Variants in STN1 observed in about 807,000 individuals in gnomAD.
STN1 encodes the protein CST complex subunit STN1.
STN1 carries 29 observed loss-of-function variants against 45.5 expected under a neutral mutation model. That is an observed-to-expected ratio of 0.64 (90% CI 0.47 to 0.87). The LOEUF (loss-of-function observed/expected upper bound fraction) is 0.87. Among genes scored for constraint, STN1 ranks in the 40% least tolerant of loss-of-function variants. STN1 has a pLI of 0.00. For synonymous variants in STN1, 148 were observed against 159.0 expected (o/e 0.93, Z 0.52); for missense variants, 376 against 441.4 (o/e 0.85, Z 1.33).
intron 4 of STN1, among the ~76,000 whole-genome samples, chr10:103,904,422 C>T (rs1843228170): frequency 6.6e-6 from 1 of 150,574 alleles, no homozygotes; most frequent in Non-Finnish European, 1.5e-5. Context: ...TTGAGACCAG[C>T]CCTGGAAACA....
Position 103,917,639 on chromosome 10 carries a change from C to T in STN1, c.-45G>A. 6.2e-7 allele frequency: 1 copy of T among 1,600,182 alleles called. No individual in the cohort carries two copies. The highest frequency in any genetic ancestry group is 8.5e-7 in the Non-Finnish European group (1 of 1,173,442). ...TTCCAGCTAACTCTGAAAGGTTCTG[C>T]ATCACTGAGTCAAGCATCTAGATGG... On this transcript the variant is annotated 5_prime_UTR_variant, in exon 2 of 10. An upstream start codon of the reference 5' UTR is lost. Coordinates refer to ENST00000224950, the MANE Select transcript of STN1 (RefSeq NM_024928.5).
Position 103,905,204 on chromosome 10 carries a change from G to A in STN1, c.230-48C>T, listed in dbSNP as rs944199383. The A allele has an allele frequency of 2.7e-6, 4 of 1,506,748 alleles. No homozygotes were observed. In the African/African-American group the frequency reaches 5.5e-5, roughly 21 times the overall value. 93.3% of individuals were successfully genotyped at this position (1,506,748 alleles called of 1,614,324 possible). On this transcript the variant is annotated intron_variant, in intron 3 of 9. Transcript: ENST00000224950. ...TATAAGAGAGATTTGGGCAAGGCTG[G>A]TGAATTAGCATGCTGTCATTGCATT...
intron 9 of STN1, among the ~76,000 whole-genome samples, chr10:103,883,611 T>C (rs768449439): frequency 1.3e-5 from 2 of 152,156 alleles, no homozygotes; most frequent in Non-Finnish European, 2.9e-5. Flanking sequence ...CCTCGGAAAC[T>C]GCTTGCTATT....
chr10:103,882,786 G>A lies in STN1; in HGVS notation c.1005C>T (p.Ile335=), dbSNP rs537766651. Residue 335 remains isoleucine, a synonymous_variant, in exon 10 of 10, where the codon ATC becomes ATT. Transcript: ENST00000224950. ...GCACAGCCTCGCTCAGGCCCGGGCGGATGCTCAGGCGAGCACAGGCCAAGA... is the reference window on the plus strand; with the variant it reads ...GCACAGCCTCGCTCAGGCCCGGGCGAATGCTCAGGCGAGCACAGGCCAAGA... ...LHILACARLS[I]RPGLSEAVLQ... is the part of the protein sequence containing the mutation. 3.2e-5 allele frequency: 51 copies of A among 1,614,166 alleles called. No homozygotes were observed. The South Asian group carries it at 5.4e-4, about 17-fold the overall frequency.
At chr10:103,893,576 C>A (rs1298030185) in intron 7 of STN1, among the ~76,000 whole-genome samples, 4 of 152,186 alleles carry the variant, frequency 2.6e-5, no homozygotes, top group Non-Finnish European at 5.9e-5. Context: ...CCAAGTCCTA[C>A]CTCTATTGAA....
chr10:103,884,517 A>T (rs10786773), intron 9 of STN1, among the ~76,000 whole-genome samples: 44,981 of 152,122 alleles, frequency 0.3, 7,891 homozygotes, highest in East Asian at 0.64. Context: ...CTTCTTTACC[A>T]AAAGCAAACC....
At chr10:103,907,772 C>A (rs1843251149) in intron 3 of STN1, among the ~76,000 whole-genome samples, 1 of 151,914 alleles carries the variant, frequency 6.6e-6, no homozygotes, top group South Asian at 2.1e-4. Context: ...ATGGCACTTC[C>A]AGGCACACCA....
chr10:103,917,513 T>C lies in STN1; in HGVS notation c.82A>G (p.Lys28Glu), dbSNP rs1318935234. The change falls in exon 2 of 10, where the codon AAA becomes GAA. Residue 28 changes from lysine to glutamate, a missense_variant. Lys to Glu is a moderately conservative substitution (Grantham distance 56, BLOSUM62 1). Transcript: ENST00000224950. ...GLDPVFLAFA[K>E]LYIRDILDMK... ...TCCAGGATATCCCTGATGTAGAGTT[T>C]TGCAAAGGCTAGAAACACAGGATCC... 26 of 1,613,972 alleles carry C rather than the reference T, an allele frequency of 1.6e-5. No homozygotes were observed. The highest frequency in any genetic ancestry group is 2.2e-5 in the East Asian group (1 of 44,874).
In STN1 at chr10:103,917,474, G is replaced by A; in HGVS notation, c.121C>T (p.Arg41Cys). The A allele has an allele frequency of 1.2e-6, 2 of 1,613,574 alleles. No homozygotes were observed. The highest frequency in any genetic ancestry group is 1.7e-6 in the Non-Finnish European group (2 of 1,179,780). Residue 41 changes from arginine (R) to cysteine (C), a missense_variant, in exon 2 of 10, where the codon CGC (arginine) becomes TGC (cysteine). Transcript: ENST00000224950. ...GCTAGCCACATACCTGGCACCTGGC[G>A]GGACTCCTTCATGTCCAGGATATCC... ...IRDILDMKES[R>C]QVPGVFLYNG... is the part of the protein sequence containing the mutation.
At position 103,879,704 on chromosome 10, in the gene STN1, GCTGCTGTGCT is replaced by G. The variant is rs1472539847; in HGVS notation, c.*2970_*2979del. The stretch of plus-strand genomic sequence containing the variant: ...TGGGAGCATTAACAGGGTGGCAACA[GCTGCTGTGCT>G]GTGAACAGCCCAAGAGGGGCCAGGG... On this transcript the variant is annotated 3_prime_UTR_variant, in exon 10 of 10. Transcript: ENST00000224950. 1 of 152,856 alleles carries G rather than the reference GCTGCTGTGCT, an allele frequency of 6.5e-6. No individual in the cohort carries two copies. Among genetic ancestry groups the G allele is most frequent in the Non-Finnish European group, 1.5e-5 (1 of 68,512 alleles). The allele number at this position is 152,856 out of a possible 1,614,324, so 9.5% of individuals were successfully genotyped here. A position where few individuals can be genotyped will look rare whatever the true frequency, so the allele number is the denominator to read the frequency against.
chr10:103,880,469 T>C lies in STN1; in HGVS notation c.*2215A>G, dbSNP rs1254375499. On this transcript the variant is annotated 3_prime_UTR_variant, in exon 10 of 10. Coordinates refer to ENST00000224950, the MANE Select transcript of STN1 (RefSeq NM_024928.5). ...TCTTTGCTTGAACGTGGGGTTTCAT[T>C]TGGGACCCTCCCCTCTCTGCCTAGG... Among the ~76,000 whole-genome samples the C allele has an allele frequency of 6.6e-6, 1 of 152,196 alleles. No individual in the cohort carries two copies. Among genetic ancestry groups the C allele is most frequent in the Non-Finnish European group, 1.5e-5 (1 of 68,028 alleles).
At chr10:103,912,198 C>T (rs1843296343) in intron 2 of STN1, among the ~76,000 whole-genome samples, 1 of 151,930 alleles carries the variant, frequency 6.6e-6, no homozygotes, top group African/African-American at 2.4e-5. Flanking sequence ...GTCTCAACTC[C>T]TGGTCTCAAG....
intron 9 of STN1, among the ~76,000 whole-genome samples, chr10:103,886,868 A>G (rs73342590): frequency 6.6e-6 from 1 of 152,356 alleles, no homozygotes; most frequent in African/African-American, 2.4e-5. Flanking sequence ...CAAGTGGCAA[A>G]GCCGGGATTC....
Position 103,918,161 on chromosome 10 carries a change from G to C in STN1, c.-124C>G, listed in dbSNP as rs1009751077. On this transcript the variant is annotated 5_prime_UTR_variant, in exon 1 of 10. Transcript: ENST00000224950. ...CTGAGACCTGGCCCTTCCGGCGCTC[G>C]GAGCCGCTGGCGGCGACGACCCCGC... 1.3e-5 allele frequency: 2 copies of C among 152,400 alleles called. No homozygotes were observed. The highest frequency in any genetic ancestry group is 2.9e-5 in the Non-Finnish European group (2 of 68,168). The allele number at this position is 152,400 out of a possible 1,614,324, so 9.4% of individuals were successfully genotyped here.
At chr10:103,908,934 A>G (rs1308719365) in intron 3 of STN1, among the ~76,000 whole-genome samples, 2 of 151,482 alleles carry the variant, frequency 1.3e-5, no homozygotes, top group Admixed American at 6.6e-5. Flanking sequence ...GGAGGAGGAG[A>G]GAAAAATCAA....
chr10:103,885,414 C>T (rs1326792802), intron 9 of STN1, among the ~76,000 whole-genome samples: 1 of 152,146 alleles, frequency 6.6e-6, no homozygotes, highest in African/African-American at 2.4e-5. Flanking sequence ...AGGTGACTTA[C>T]AGGCATCCAT....
At chr10:103,904,100 C>T (rs137958706) in intron 4 of STN1, among the ~76,000 whole-genome samples, 230 of 152,212 alleles carry the variant, frequency 1.5e-3, no homozygotes, top group Non-Finnish European at 2.0e-3. Context: ...ACTCTAAGCA[C>T]TAGATATTCT....
chr10:103,895,583 C>T (rs955149667), intron 7 of STN1, among the ~76,000 whole-genome samples: 1 of 152,224 alleles, frequency 6.6e-6, no homozygotes, highest in Non-Finnish European at 1.5e-5. Flanking sequence ...AGTCGTGACC[C>T]TTTCCACTTT....
At chr10:103,902,657 T>C (rs149130895) in intron 4 of STN1, among the ~76,000 whole-genome samples, 1 of 152,366 alleles carries the variant, frequency 6.6e-6, no homozygotes, top group Admixed American at 6.5e-5. Context: ...GTGACATTTA[T>C]GAAAGCTAAT....
Sources: allele counts gnomAD v4.1 joint callset (sites outside exome capture counted in the v4.1 genomes callset), GRCh38; gene constraint gnomAD v4.1.1; transcripts MANE v1.5; gene names NCBI Gene and HGNC (gene_info 2026-07-23, HGNC 2026-07-21).